The following ATL1 variants were observed in gnomAD, a reference collection of about 807,000 sequenced individuals.
The protein encoded by ATL1 is atlastin-1.
ATL1 carries 31 observed loss-of-function variants against 75.5 expected under a neutral mutation model. The ratio of observed to expected loss-of-function variants is 0.41; its 90% CI spans 0.31 to 0.55. ATL1 has a LOEUF of 0.55. ATL1 is among the 20% of genes least tolerant of loss of function. The pLI is 0.27. For missense variants in ATL1, 405 were observed against 662.6 expected (o/e 0.61, Z 4.27); for synonymous variants, 226 against 233.3 (o/e 0.97, Z 0.28).
chr14:50,557,747 G>A (rs541390854), upstream of ATL1, among the ~76,000 whole-genome samples: 45 of 152,178 alleles, frequency 3.0e-4, 2 homozygotes, highest in Middle Eastern at 0.024. Context: ...CCACTGAAAG[G>A]GTCTAGAAAC....
chr14:50,537,434 G>C (rs1039596076), intron 1 of ATL1, among the ~76,000 whole-genome samples: 7 of 152,216 alleles, frequency 4.6e-5, no homozygotes, highest in African/African-American at 7.2e-5. Flanking sequence ...GAAATGTGGG[G>C]TCAGAGCCCC....
chr14:50,612,207 G>A (rs779269381), intron 6 of ATL1, among the ~76,000 whole-genome samples: 7 of 152,030 alleles, frequency 4.6e-5, no homozygotes, highest in Non-Finnish European at 1.0e-4. Context: ...CAGGCAAAAC[G>A]AACTGATGCT....
chr14:50,562,712 A>G (rs1446838017), intron 1 of ATL1, among the ~76,000 whole-genome samples: 1 of 152,244 alleles, frequency 6.6e-6, no homozygotes, highest in Non-Finnish European at 1.5e-5. Flanking sequence ...TATAGAAAAG[A>G]AAGAGTGGAA....
chr14:50,591,612 C>T lies in ATL1; in HGVS notation c.495C>T (p.Ala165=). 1 of 1,613,432 alleles carries T rather than the reference C, an allele frequency of 6.2e-7. No homozygotes were observed. Among genetic ancestry groups the T allele is most frequent in the Non-Finnish European group, 8.5e-7 (1 of 1,179,638 alleles). ...STLRDSATVF[A]LSTMISSIQV... Reference sequence around the variant, plus strand: ...TGAGAGATTCAGCCACAGTATTTGCCCTTAGCACAATGATCAGCTCAATAC... The same window carrying T: ...TGAGAGATTCAGCCACAGTATTTGCTCTTAGCACAATGATCAGCTCAATAC... Residue 165 remains alanine (A), a synonymous_variant, in exon 4 of 14, where the codon GCC becomes GCT. Transcript: ENST00000358385.
intron 6 of ATL1, among the ~76,000 whole-genome samples, chr14:50,610,021 C>T (rs2039349015): frequency 1.3e-5 from 2 of 151,902 alleles, no homozygotes. Context: ...CCCCACTCTG[C>T]CCCACAGATT....
intron 1 of ATL1, among the ~76,000 whole-genome samples, chr14:50,576,917 T>A (rs1481336165): frequency 6.6e-6 from 1 of 151,914 alleles, no homozygotes; most frequent in Non-Finnish European, 1.5e-5. Flanking sequence ...GTGTATATAA[T>A]ATATAGTTAC....
At chr14:50,624,521 C>A (rs1380939718) in intron 11 of ATL1, among the ~76,000 whole-genome samples, 2 of 151,990 alleles carry the variant, frequency 1.3e-5, no homozygotes, top group African/African-American at 2.4e-5. Context: ...GTTCCCCCAT[C>A]CCTCCCTCTC....
At chr14:50,572,436 A>T (rs1398344977) in intron 1 of ATL1, among the ~76,000 whole-genome samples, 1 of 152,068 alleles carries the variant, frequency 6.6e-6, no homozygotes, top group South Asian at 2.1e-4. Context: ...CAGTTTTAGT[A>T]ATTTACATTT....
At chr14:50,540,123 C>T (rs557637125) in intron 1 of ATL1, among the ~76,000 whole-genome samples, 62 of 152,266 alleles carry the variant, frequency 4.1e-4, no homozygotes, top group African/African-American at 1.4e-3. Context: ...ATTTTATATC[C>T]TGGTAGAGGT....
rs1176052550 is a variant in ATL1 at position 50,592,748 on chromosome 14, A to G, written c.523-1098A>G. On this transcript the variant is annotated intron_variant, in intron 4 of 13. Transcript: ENST00000358385. ...AACACGGTGAAACCCCGTCTCTACT[A>G]AAAATACAAAAAATTAGCCGGGCAT... Among the ~76,000 whole-genome samples the G allele has an allele frequency of 2.6e-5, 4 of 151,218 alleles. No homozygotes were observed. The South Asian group carries it at 8.3e-4, about 32-fold the overall frequency.
chr14:50,533,479 T>A (rs1309643667), intron 1 of ATL1: 6 of 152,174 alleles, frequency 3.9e-5, no homozygotes, highest in African/African-American at 1.4e-4. Flanking sequence ...GCACAGCATA[T>A]ATGGAACAGG....
intron 1 of ATL1, among the ~76,000 whole-genome samples, chr14:50,551,375 C>T (rs944553794): frequency 3.3e-5 from 5 of 151,610 alleles, no homozygotes; most frequent in African/African-American, 1.2e-4. Flanking sequence ...GAGATTGAAT[C>T]GATGATTTTA....
rs757055842 is a variant in ATL1 at position 50,628,206 on chromosome 14, A to G, written c.1295A>G (p.Tyr432Cys). 4 of 1,614,090 alleles carry G rather than the reference A, an allele frequency of 2.5e-6. No individual in the cohort carries two copies. The highest frequency in any genetic ancestry group is 2.2e-5 in the East Asian group (1 of 44,902). Residue 432 changes from tyrosine to cysteine, a missense_variant, in exon 12 of 14, where the codon TAT (tyrosine) becomes TGT (cysteine). This residue lies in a region of ATL1 where 163 missense variants were observed against 244.1 expected (regional missense o/e 0.67). Coordinates refer to ENST00000358385, the MANE Select transcript of ATL1 (RefSeq NM_015915.5). ...GAAATAGATGAACTTTACATCCAAT[A>G]TATCAAGCACAATGATAGCAAAAAT... ...ESEIDELYIQ[Y>C]IKHNDSKNIF...
At chr14:50,564,186 G>C (rs2038878773) in intron 1 of ATL1, among the ~76,000 whole-genome samples, 2 of 152,168 alleles carry the variant, frequency 1.3e-5, no homozygotes, top group Non-Finnish European at 2.9e-5. Flanking sequence ...CCAGAAAGCA[G>C]TCTTGCACTG....
chr14:50,591,409 G>T (rs2140205253), intron 3 of ATL1, 126 bp from the exon 4 acceptor site: 1 of 683,738 alleles, frequency 1.5e-6, no homozygotes, highest in Non-Finnish European at 2.5e-6. Flanking sequence ...CATGGCATGT[G>T]TAAGAAATTA....
At chr14:50,576,899 TA>T (rs1397420448) in intron 1 of ATL1, among the ~76,000 whole-genome samples, 1 of 151,508 alleles carries the variant, frequency 6.6e-6, no homozygotes, top group African/African-American at 2.4e-5. Flanking sequence ...GCAAGGATAA[TA>T]TTTATTGTGT....
intron 8 of ATL1, 44 bp from the exon 9 acceptor site, chr14:50,620,554 TG>T (rs1566733084): frequency 1.3e-6 from 2 of 1,588,102 alleles, no homozygotes; most frequent in East Asian, 4.6e-5. Flanking sequence ...CATGGAGGAC[TG>T]GGAAGGATTC....
chr14:50,575,683 G>GT (rs2060749571), intron 1 of ATL1, among the ~76,000 whole-genome samples: 2 of 152,030 alleles, frequency 1.3e-5, no homozygotes, highest in Non-Finnish European at 2.9e-5. Flanking sequence ...TTGGTGGTAT[G>GT]TTTTTTTCTC....
At chr14:50,597,791 T>C (rs1317693380) in intron 6 of ATL1, among the ~76,000 whole-genome samples, 1 of 152,128 alleles carries the variant, frequency 6.6e-6, no homozygotes, top group Non-Finnish European at 1.5e-5. Flanking sequence ...ACCTCTGGGA[T>C]TCACGCCATT....
Sources: allele counts gnomAD v4.1 joint callset (sites outside exome capture counted in the v4.1 genomes callset), GRCh38; gene constraint gnomAD v4.1.1; regional missense constraint gnomAD v4.1.1; transcripts MANE v1.5; gene names NCBI Gene and HGNC (gene_info 2026-07-23, HGNC 2026-07-21).